Variants in SLC25A48 observed in about 807,000 individuals in gnomAD.
The protein encoded by SLC25A48 is solute carrier family 25 member 48, also known as CTC-321K16.1.
Under a neutral mutation model 32.2 loss-of-function variants are expected in SLC25A48, and 29 were observed. That is an observed-to-expected ratio of 0.90 (90% CI 0.67 to 1.23). The LOEUF (loss-of-function observed/expected upper bound fraction) is 1.23, where lower values mean the gene tolerates loss of function less well. SLC25A48 is among the 50% of genes most tolerant of loss of function. The pLI, the probability that SLC25A48 is intolerant of heterozygous loss-of-function variation, is 0.00. For synonymous variants in SLC25A48, 164 were observed against 172.3 expected (o/e 0.95, Z 0.38); for missense variants, 399 against 422.7 (o/e 0.94, Z 0.49).
intron 3 of SLC25A48, among the ~76,000 whole-genome samples, chr5:135,679,059 A>G (rs1753832976): frequency 6.6e-6 from 1 of 152,110 alleles, no homozygotes; most frequent in African/African-American, 2.4e-5. Flanking sequence ...TGGGCTGGGT[A>G]GGCAGGTGGG....
rs1305685450 is a variant in SLC25A48, at chr5:135,816,474, A to T, written c.-117+3548A>T. ...TTGAATTCCAGCCCTGCCATTTGCT[A>T]CTGTCTATTACTCAATAAATTCTTA... is the stretch of plus-strand genomic sequence containing the variant. On this transcript the variant is annotated intron_variant, in intron 4 of 10. Transcript: ENST00000646290. Among the ~76,000 whole-genome samples the T allele has an allele frequency of 3.4e-4, 52 of 152,164 alleles. 1 individual carries two copies. Among genetic ancestry groups the T allele is most frequent in the Admixed American group, 3.4e-3 (52 of 15,266 alleles).
chr5:135,736,142 G>A (rs993735334), intron 3 of SLC25A48, among the ~76,000 whole-genome samples: 13 of 152,070 alleles, frequency 8.5e-5, no homozygotes, highest in African/African-American at 2.9e-4. Flanking sequence ...CTTGGGGTTG[G>A]GACTGAGGGG....
chr5:135,616,861 T>C (rs1233088330), intron 1 of SLC25A48, among the ~76,000 whole-genome samples: 1 of 152,226 alleles, frequency 6.6e-6, no homozygotes, highest in Non-Finnish European at 1.5e-5. Context: ...TTTGGTTTGC[T>C]AGTATTTTGT....
intron 3 of SLC25A48, chr5:135,802,921 G>A (rs1757369391): frequency 6.6e-6 from 1 of 151,266 alleles, no homozygotes; most frequent in Admixed American, 6.6e-5. Flanking sequence ...ATATCACAGT[G>A]AGTGTGCACC....
At chr5:135,641,138 A>C (rs73283233) in intron 3 of SLC25A48, among the ~76,000 whole-genome samples, 1,822 of 152,348 alleles carry the variant, frequency 0.012, 43 homozygotes, top group African/African-American at 0.04. Flanking sequence ...AATGAATATC[A>C]TTGCAGGTCA....
intron 2 of SLC25A48, among the ~76,000 whole-genome samples, chr5:135,847,098 G>T (rs1056705809): frequency 1.3e-5 from 2 of 152,194 alleles, no homozygotes; most frequent in African/African-American, 2.4e-5. Context: ...AATTCTGTAG[G>T]CCCAAAATGA....
intron 3 of SLC25A48, among the ~76,000 whole-genome samples, chr5:135,683,452 C>T (rs1468071912): frequency 6.6e-6 from 1 of 152,218 alleles, no homozygotes; most frequent in African/African-American, 2.4e-5. Flanking sequence ...TCACCCTGAT[C>T]CCTCTTGGCA....
chr5:135,685,703 C>T (rs1456037297), intron 3 of SLC25A48, among the ~76,000 whole-genome samples: 7 of 152,302 alleles, frequency 4.6e-5, no homozygotes, highest in Admixed American at 2.0e-4. Flanking sequence ...GGATTACAGG[C>T]GTGAGCCACC....
intron 3 of SLC25A48, chr5:135,742,328 G>A (rs886616963): frequency 4.2e-5 from 25 of 599,776 alleles, no homozygotes; most frequent in African/African-American, 5.8e-5. Context: ...TGATCTGCCC[G>A]CCTTGGCCTC....
At chr5:135,691,929 A>G (rs1754151794) in intron 3 of SLC25A48, among the ~76,000 whole-genome samples, 1 of 152,046 alleles carries the variant, frequency 6.6e-6, no homozygotes, top group South Asian at 2.1e-4. Context: ...CTTCCTCTCA[A>G]CCCTGCAGCA....
At chr5:135,775,122 C>A (rs1346681873) in intron 3 of SLC25A48, among the ~76,000 whole-genome samples, 1 of 151,656 alleles carries the variant, frequency 6.6e-6, no homozygotes. Context: ...GGGGTGTACA[C>A]GCCATTTGTG....
chr5:135,805,096 C>T (rs1048986819), intron 3 of SLC25A48, among the ~76,000 whole-genome samples: 1 of 151,210 alleles, frequency 6.6e-6, no homozygotes, highest in African/African-American at 2.4e-5. Flanking sequence ...TGAAATAATT[C>T]ATAATATTAT....
intron 3 of SLC25A48, among the ~76,000 whole-genome samples, chr5:135,705,258 G>T (rs963647172): frequency 6.6e-6 from 1 of 152,202 alleles, no homozygotes; most frequent in Non-Finnish European, 1.5e-5. Context: ...CTAGCTCAGC[G>T]CGGAGCAAGC....
At chr5:135,716,457 G>A (rs974398816) in intron 3 of SLC25A48, among the ~76,000 whole-genome samples, 7 of 152,092 alleles carry the variant, frequency 4.6e-5, no homozygotes, top group Admixed American at 2.0e-4. Flanking sequence ...GAATCTCTTG[G>A]GCTTCCCAAG....
At chr5:135,632,631 G>T (rs756912813) in intron 2 of SLC25A48, among the ~76,000 whole-genome samples, 1 of 152,130 alleles carries the variant, frequency 6.6e-6, no homozygotes, top group South Asian at 2.1e-4. Context: ...AGAGGAGCCT[G>T]GGCAGAACAG....
At chr5:135,850,551 G>A in intron 3 of SLC25A48, 55 bp downstream of exon 3, 4 of 1,566,466 alleles carry the variant, frequency 2.6e-6, no homozygotes, top group Non-Finnish European at 2.6e-6. Flanking sequence ...CACAGGCTGG[G>A]GACCAGGGCC....
intron 3 of SLC25A48, among the ~76,000 whole-genome samples, chr5:135,713,912 C>G (rs969671444): frequency 3.9e-5 from 6 of 152,164 alleles, no homozygotes; most frequent in Non-Finnish European, 7.4e-5. Flanking sequence ...GTGTGGGAAA[C>G]CATGCAGGGA....
chr5:135,880,512 T>A (rs773046105), intron 7 of SLC25A48, among the ~76,000 whole-genome samples: 4 of 152,174 alleles, frequency 2.6e-5, no homozygotes, highest in Non-Finnish European at 4.4e-5. Context: ...ACAGCCTGAC[T>A]CTGAGAGCCA....
At chr5:135,788,345 G>A (rs1333740840) in intron 3 of SLC25A48, among the ~76,000 whole-genome samples, 1 of 140,628 alleles carries the variant, frequency 7.1e-6, no homozygotes, top group Non-Finnish European at 1.6e-5. Context: ...ACTCCCCATG[G>A]GTTGGGGGGT....
Sources: allele counts gnomAD v4.1 joint callset (sites outside exome capture counted in the v4.1 genomes callset), GRCh38; gene constraint gnomAD v4.1.1; transcripts MANE v1.5; gene names NCBI Gene and HGNC (gene_info 2026-07-23, HGNC 2026-07-21).